Variants in TRPM3 observed in about 807,000 individuals in gnomAD.
TRPM3 encodes long transient receptor potential channel 3.
A neutral mutation model predicts 181.2 loss-of-function variants in TRPM3; 77 were observed. The ratio of observed to expected loss-of-function variants is 0.42; its 90% CI spans 0.35 to 0.51. The LOEUF is 0.51. Among genes scored for constraint, TRPM3 ranks in the 20% least tolerant of loss-of-function variants. The pLI, the probability that TRPM3 is intolerant of heterozygous loss-of-function variation, is 0.01. For synonymous variants in TRPM3, 745 were observed against 796.4 expected, an observed-to-expected ratio of 0.94 and a Z score of 1.09; for missense variants, 1,759 against 2,196.7, an observed-to-expected ratio of 0.80 and a Z score of 3.98.
intron 7 of TRPM3, among the ~76,000 whole-genome samples, chr9:70,772,042 C>T (rs1318557702): frequency 6.6e-6 from 1 of 152,016 alleles, no homozygotes; most frequent in Non-Finnish European, 1.5e-5. Context: ...ATAATGCTGA[C>T]TGGAGGAAAG....
At chr9:70,963,317 A>AT (rs2097155447) in intron 1 of TRPM3, among the ~76,000 whole-genome samples, 1 of 152,204 alleles carries the variant, frequency 6.6e-6, no homozygotes, top group African/African-American at 2.4e-5. Context: ...CATTTCTCCC[A>AT]TTTTACAGCT....
chr9:70,673,047 G>C (rs1192797406), intron 9 of TRPM3, among the ~76,000 whole-genome samples: 1 of 152,096 alleles, frequency 6.6e-6, no homozygotes, highest in Non-Finnish European at 1.5e-5. Flanking sequence ...AAGAAAAGTG[G>C]GTAGAAGTGA....
chr9:71,403,850 C>G (rs2093387228), intron 1 of TRPM3, among the ~76,000 whole-genome samples: 1 of 152,152 alleles, frequency 6.6e-6, no homozygotes, highest in South Asian at 2.1e-4. Context: ...ACAACATGGG[C>G]ATCTTAAAAG....
In TRPM3 at chr9:71,325,233, A is replaced by G. The variant is rs190035308; in HGVS notation, c.183+121420T>C. ...AAACAGACCTCTAACACAAGATATT[A>G]AAACAAAGTTTTACCAAAATTTAGT... On this transcript the variant is annotated intron_variant, in intron 1 of 24. Coordinates refer to the TRPM3 transcript ENST00000357533. Among the ~76,000 whole-genome samples, 260 of 152,312 alleles carry G rather than the reference A, an allele frequency of 1.7e-3. 3 individuals carry two copies. Among genetic ancestry groups the G allele is most frequent in the Admixed American group, 0.014 (213 of 15,296 alleles).
At chr9:70,838,626 G>A (rs1488312383) in intron 5 of TRPM3, among the ~76,000 whole-genome samples, 1 of 152,154 alleles carries the variant, frequency 6.6e-6, no homozygotes, top group Non-Finnish European at 1.5e-5. Context: ...ATGTCCTGGT[G>A]GAAGTGAGCC....
Position 71,242,002 on chromosome 9 carries a change from A to G in TRPM3, c.183+204651T>C, listed in dbSNP as rs908634543. Among the ~76,000 whole-genome samples the G allele has an allele frequency of 9.2e-5, 14 of 152,230 alleles. 1 individual carries two copies. The highest frequency in any genetic ancestry group is 2.6e-4 in the Admixed American group (4 of 15,284). ...CACAGAGAATCAGAATGACTGAGAT[A>G]TATTATTGCTTTTGGAAGGAGGTTT... On this transcript the variant is annotated intron_variant, in intron 1 of 24. Transcript: ENST00000357533.
At position 70,604,147 on chromosome 9, in the gene TRPM3, G is replaced by A. The variant is rs74835222; in HGVS notation, c.2668-677C>T. On this transcript the variant is annotated intron_variant, in intron 19 of 25. Transcript: ENST00000677713. ...AGGGTCCGTGTGGCCTTTTGTGGACGGGTGTGGGGTTTAATCCCCAAGAGG... is the reference window on the plus strand; with the variant it reads ...AGGGTCCGTGTGGCCTTTTGTGGACAGGTGTGGGGTTTAATCCCCAAGAGG... Among the ~76,000 whole-genome samples the A allele has an allele frequency of 3.6e-3, 549 of 152,316 alleles. 4 individuals carry two copies. Among genetic ancestry groups the A allele is most frequent in the South Asian group, 0.026 (127 of 4,820 alleles).
intron 8 of TRPM3, among the ~76,000 whole-genome samples, chr9:70,756,899 C>T (rs940483425): frequency 1.3e-5 from 2 of 151,968 alleles, no homozygotes; most frequent in Non-Finnish European, 2.9e-5. Flanking sequence ...GATCTAAAAT[C>T]GACACCCTAA....
chr9:71,003,519 C>T (rs910055039), intron 1 of TRPM3, among the ~76,000 whole-genome samples: 3 of 151,966 alleles, frequency 2.0e-5, no homozygotes, highest in African/African-American at 7.3e-5. Flanking sequence ...GGTAAATCCC[C>T]CTCCACAAGG....
Position 70,872,356 on chromosome 9 carries a change from T to G in TRPM3, c.178-7845A>C, listed in dbSNP as rs190224180. On this transcript the variant is annotated intron_variant, in intron 1 of 25. Transcript: ENST00000677713. ...AGTAGTGGTCTTAATAGACAGGCTT[T>G]CATGGCACCATCACTAGTTTGCCTT... Among the ~76,000 whole-genome samples, 440 of 151,998 alleles carry G rather than the reference T, an allele frequency of 2.9e-3. 2 individuals are homozygous for G. Among genetic ancestry groups the G allele is most frequent in the African/African-American group, 9.8e-3 (407 of 41,506 alleles).
chr9:71,155,689 T>G (rs1014955907), intron 1 of TRPM3, among the ~76,000 whole-genome samples: 6 of 152,066 alleles, frequency 3.9e-5, no homozygotes, highest in African/African-American at 1.4e-4. Context: ...TACATACATC[T>G]ACAAGATAGA....
intron 1 of TRPM3, among the ~76,000 whole-genome samples, chr9:71,074,745 T>C (rs1315070700): frequency 6.6e-6 from 1 of 152,158 alleles, no homozygotes; most frequent in Non-Finnish European, 1.5e-5. Context: ...TAATTATTCT[T>C]GTTGTACTTA....
intron 1 of TRPM3, among the ~76,000 whole-genome samples, chr9:71,399,521 CTTTTGTTTTT>C (rs2093285491): frequency 9.3e-6 from 1 of 107,520 alleles, no homozygotes; most frequent in Non-Finnish European, 2.0e-5. Flanking sequence ...CTTATATTTT[CTTTTGTTTTT>C]TTTTTTTTTT....
At chr9:71,277,196 C>G (rs751614206) in intron 1 of TRPM3, among the ~76,000 whole-genome samples, 1 of 152,068 alleles carries the variant, frequency 6.6e-6, no homozygotes, top group South Asian at 2.1e-4. Context: ...AGGATAGCAG[C>G]CACCTCTGAA....
At chr9:71,052,825 T>C (rs1014143611) in intron 1 of TRPM3, among the ~76,000 whole-genome samples, 1 of 152,008 alleles carries the variant, frequency 6.6e-6, no homozygotes, top group Non-Finnish European at 1.5e-5. Flanking sequence ...CGTATCTCAC[T>C]TTCACCAAGT....
chr9:70,635,407 TTTTC>T (rs1024692624), intron 11 of TRPM3, 146 bp from the exon 12 acceptor site: 5 of 596,092 alleles, frequency 8.4e-6, no homozygotes, highest in Non-Finnish European at 1.5e-5. Context: ...TGTATCTGCC[TTTTC>T]TTTCTTTCTT....
intron 1 of TRPM3, among the ~76,000 whole-genome samples, chr9:70,879,788 A>G (rs1317517341): frequency 6.6e-6 from 1 of 152,180 alleles, no homozygotes; most frequent in Non-Finnish European, 1.5e-5. Flanking sequence ...TGGAACCATT[A>G]AGCCTTAAAA....
intron 1 of TRPM3, among the ~76,000 whole-genome samples, chr9:71,239,832 C>G (rs1300824953): frequency 6.6e-6 from 1 of 152,022 alleles, no homozygotes; most frequent in Non-Finnish European, 1.5e-5. Flanking sequence ...GTTATTGACT[C>G]CAAGTACTTA....
At chr9:70,538,306 T>C (rs1241878887) in intron 25 of TRPM3, among the ~76,000 whole-genome samples, 3 of 152,102 alleles carry the variant, frequency 2.0e-5, no homozygotes, top group African/African-American at 7.3e-5. Context: ...AAATTAACTT[T>C]TTTAGAGATG....
Sources: allele counts gnomAD v4.1 joint callset (sites outside exome capture counted in the v4.1 genomes callset), GRCh38; gene constraint gnomAD v4.1.1; transcripts MANE v1.5; gene names NCBI Gene and HGNC (gene_info 2026-07-23, HGNC 2026-07-21).